The following CTNNA2 variants were observed in gnomAD, a reference collection of about 807,000 sequenced individuals.
The protein encoded by CTNNA2 is catenin alpha-2.
In CTNNA2, 42 loss-of-function variants were observed where a neutral mutation model predicts 101.0. The observed-to-expected ratio is 0.42, with a 90% CI of 0.32 to 0.54. The LOEUF is 0.54. Among genes scored for constraint, CTNNA2 ranks in the 20% least tolerant of loss-of-function variants. The pLI, the probability that CTNNA2 is intolerant of heterozygous loss-of-function variation, is 0.14. For synonymous variants in CTNNA2, 450 were observed against 456.4 expected (o/e 0.99, Z 0.18); for missense variants, 871 against 1,223.1 (o/e 0.71, Z 4.29).
intron 7 of CTNNA2, among the ~76,000 whole-genome samples, chr2:80,006,013 T>C (rs1354859697): frequency 6.6e-6 from 1 of 152,186 alleles, no homozygotes; most frequent in Non-Finnish European, 1.5e-5. Flanking sequence ...TAAGTTTCCA[T>C]AATCCATTGC....
intron 2 of CTNNA2, among the ~76,000 whole-genome samples, chr2:79,718,585 C>A (rs989577495): frequency 1.2e-4 from 18 of 152,176 alleles, no homozygotes; most frequent in African/African-American, 4.3e-4. Flanking sequence ...AAAAATTAGA[C>A]CTCACTTGAA....
intron 2 of CTNNA2, among the ~76,000 whole-genome samples, chr2:79,209,546 C>T (rs1674142656): frequency 6.6e-6 from 1 of 152,156 alleles, no homozygotes; most frequent in East Asian, 1.9e-4. Context: ...CAGTGAGAGT[C>T]ATGATTCTAC....
At chr2:79,886,522 C>A (rs571031137) in intron 6 of CTNNA2, among the ~76,000 whole-genome samples, 1 of 151,514 alleles carries the variant, frequency 6.6e-6, no homozygotes, top group Non-Finnish European at 1.5e-5. Context: ...GAGGCCGAGG[C>A]GGGCGGATCA....
At chr2:80,243,740 T>G (rs114177254) in intron 7 of CTNNA2, among the ~76,000 whole-genome samples, 1,742 of 152,298 alleles carry the variant, frequency 0.011, 39 homozygotes, top group African/African-American at 0.04. Flanking sequence ...GTGTACAAGT[T>G]TTTGCATGCC....
Position 79,433,415 on chromosome 2 carries a change from C to A in CTNNA2, c.-135+59402C>A, listed in dbSNP as rs533275730. On this transcript the variant is annotated intron_variant, in intron 4 of 21. Transcript: ENST00000466387. Reference sequence around the variant, plus strand: ...TTAGTGCTGCTGGGGGTGCTTGTGCCTAACAGAGAAAGCTGATTAGATGCT... The same window carrying A: ...TTAGTGCTGCTGGGGGTGCTTGTGCATAACAGAGAAAGCTGATTAGATGCT... 3.9e-5 allele frequency among the ~76,000 whole-genome samples: 6 copies of A among 152,160 alleles called. No homozygotes were observed. In the South Asian group the frequency reaches 1.2e-3, roughly 32 times the overall value.
chr2:80,266,046 G>A (rs1324260610), intron 7 of CTNNA2, among the ~76,000 whole-genome samples: 1 of 152,122 alleles, frequency 6.6e-6, no homozygotes. Flanking sequence ...TAAAAATTGA[G>A]GGCTTCAATT....
intron 7 of CTNNA2, among the ~76,000 whole-genome samples, chr2:80,309,124 A>C (rs1677297703): frequency 6.6e-6 from 1 of 152,194 alleles, no homozygotes; most frequent in Non-Finnish European, 1.5e-5. Context: ...AGAGAGAGAG[A>C]GAGAAAGAAA....
chr2:80,372,319 T>C (rs1290395472), intron 7 of CTNNA2, among the ~76,000 whole-genome samples: 1 of 152,016 alleles, frequency 6.6e-6, no homozygotes, highest in East Asian at 1.9e-4. Context: ...TTCAATAATA[T>C]ATTTATTTAG....
At chr2:79,783,217 G>A (rs958176648) in intron 3 of CTNNA2, among the ~76,000 whole-genome samples, 3 of 152,148 alleles carry the variant, frequency 2.0e-5, no homozygotes, top group Non-Finnish European at 2.9e-5. Flanking sequence ...TGTGCCAATG[G>A]TGGCCAGGGA....
At chr2:79,237,803 C>G (rs1252785681) in intron 2 of CTNNA2, among the ~76,000 whole-genome samples, 1 of 152,226 alleles carries the variant, frequency 6.6e-6, no homozygotes, top group Admixed American at 6.5e-5. Flanking sequence ...TTCCTTTCCT[C>G]TCTCAGCCAT....
intron 1 of CTNNA2, among the ~76,000 whole-genome samples, chr2:79,642,763 C>G (rs1471052353): frequency 2.1e-5 from 3 of 141,430 alleles, no homozygotes; most frequent in Non-Finnish European, 4.5e-5. Context: ...GATAATAATA[C>G]AAAAGATTTC....
intron 7 of CTNNA2, among the ~76,000 whole-genome samples, chr2:80,266,552 C>G (rs1673017645): frequency 6.6e-6 from 1 of 152,212 alleles, no homozygotes; most frequent in African/African-American, 2.4e-5. Context: ...TTTTTCTATG[C>G]CCTCTTCTTC....
At chr2:79,923,156 G>A (rs535916204) in intron 7 of CTNNA2, among the ~76,000 whole-genome samples, 1 of 152,122 alleles carries the variant, frequency 6.6e-6, no homozygotes, top group Non-Finnish European at 1.5e-5. Context: ...AGGAGTAGGT[G>A]TTAATGCAGC....
intron 4 of CTNNA2, among the ~76,000 whole-genome samples, chr2:79,385,863 A>T (rs1033699197): frequency 6.6e-6 from 1 of 152,118 alleles, no homozygotes; most frequent in Non-Finnish European, 1.5e-5. Context: ...GGCCATGAAC[A>T]TGTTCTTTTT....
intron 2 of CTNNA2, among the ~76,000 whole-genome samples, chr2:79,695,037 T>TTTG (rs1553452573): frequency 1.3e-5 from 2 of 151,048 alleles, no homozygotes; most frequent in Non-Finnish European, 3.0e-5. Flanking sequence ...TTTTTTTTTT[T>TTTG]GGGGTATTAT....
intron 3 of CTNNA2, among the ~76,000 whole-genome samples, chr2:79,321,907 C>A (rs951895519): frequency 6.6e-6 from 1 of 152,134 alleles, no homozygotes; most frequent in Admixed American, 6.5e-5. Flanking sequence ...TAGAGTCCCA[C>A]AAACCACAAG....
intron 8 of CTNNA2, among the ~76,000 whole-genome samples, chr2:80,415,869 A>G (rs1679992134): frequency 6.6e-6 from 1 of 152,198 alleles, no homozygotes; most frequent in Non-Finnish European, 1.5e-5. Context: ...ATATAAAAAT[A>G]GAAATATTTT....
chr2:80,174,919 G>A (rs1705299646), intron 7 of CTNNA2, among the ~76,000 whole-genome samples: 1 of 151,958 alleles, frequency 6.6e-6, no homozygotes, highest in African/African-American at 2.4e-5. Flanking sequence ...CAACCCCTCT[G>A]GCCTTTTTCC....
chr2:79,533,482 A>G (rs565933262), intron 1 of CTNNA2, among the ~76,000 whole-genome samples: 18 of 152,160 alleles, frequency 1.2e-4, no homozygotes, highest in Non-Finnish European at 2.5e-4. Flanking sequence ...GTATATTAAG[A>G]CATTCTTGAG....
Sources: gnomAD v4.1 joint callset for allele counts (sites outside exome capture counted in the v4.1 genomes callset) on GRCh38, gnomAD v4.1.1 for gene constraint, MANE v1.5 for transcripts, NCBI Gene and HGNC (gene_info 2026-07-23, HGNC 2026-07-21) for gene names.